MAST2: variants seen among roughly 807,000 people sequenced by gnomAD.
MAST2 encodes the protein microtubule associated serine/threonine kinase 2.
MAST2 carries 70 observed loss-of-function variants against 147.4 expected under a neutral mutation model. That is an observed-to-expected ratio of 0.47 (90% confidence interval 0.39 to 0.58). The LOEUF (loss-of-function observed/expected upper bound fraction) is 0.58, where lower values mean the gene tolerates loss of function less well. Ranked by LOEUF, MAST2 falls within the 20% of genes least tolerant of loss-of-function variation. MAST2 has a pLI of 0.00. For missense variants in MAST2, 2,080 were observed against 2,302.3 expected (o/e 0.90, Z 1.98); for synonymous variants, 869 against 896.8 (o/e 0.97, Z 0.55).
At chr1:45,879,363 A>T (rs996982654) in intron 3 of MAST2, among the ~76,000 whole-genome samples, 2 of 152,156 alleles carry the variant, frequency 1.3e-5, no homozygotes, top group African/African-American at 4.8e-5. Flanking sequence ...ACCTGAGGTC[A>T]GGAGTTCTAG....
intron 3 of MAST2, among the ~76,000 whole-genome samples, chr1:45,868,149 A>T (rs1646236315): frequency 6.6e-6 from 1 of 152,138 alleles, no homozygotes; most frequent in African/African-American, 2.4e-5. Flanking sequence ...AAGCTGTTCA[A>T]GTTGGGTCTT....
At chr1:46,030,534 C>T (rs1571284766) in intron 21 of MAST2, 73 bp from the exon 22 acceptor site, 3 of 1,510,010 alleles carry the variant, frequency 2.0e-6, no homozygotes, top group Non-Finnish European at 2.6e-6. Flanking sequence ...GTTTCCGATG[C>T]CAAGGATGCT....
Position 45,890,911 on chromosome 1 carries a change from C to T in MAST2, c.500+8516C>T, listed in dbSNP as rs980798523. Among the ~76,000 whole-genome samples the T allele has an allele frequency of 6.6e-5, 10 of 152,220 alleles. No individual in the cohort carries two copies. In the East Asian group the frequency reaches 1.7e-3, roughly 26 times the overall value. ...TAAAATAAATGCTTTGTCCTCCTACCTCTAGAAATATAGTTGCATAATAAC... is the reference window on the plus strand; with the variant it reads ...TAAAATAAATGCTTTGTCCTCCTACTTCTAGAAATATAGTTGCATAATAAC... On this transcript the variant is annotated intron_variant, in intron 4 of 28. Coordinates refer to ENST00000361297, the MANE Select transcript of MAST2 (RefSeq NM_015112.3).
chr1:45,921,197 C>T (rs1028220654), intron 4 of MAST2, among the ~76,000 whole-genome samples: 3 of 152,040 alleles, frequency 2.0e-5, no homozygotes, highest in East Asian at 1.9e-4. Context: ...GGTTTCACCA[C>T]GTTGGTCAGG....
At chr1:45,814,905 CT>C (rs1644407166) in intron 1 of MAST2, among the ~76,000 whole-genome samples, 1 of 152,148 alleles carries the variant, frequency 6.6e-6, no homozygotes, top group Non-Finnish European at 1.5e-5. Flanking sequence ...TTCAGGGAAA[CT>C]TTTATGGATT....
intron 4 of MAST2, among the ~76,000 whole-genome samples, chr1:45,942,048 T>TCACAATA (rs1657376225): frequency 6.6e-6 from 1 of 152,126 alleles, no homozygotes; most frequent in Non-Finnish European, 1.5e-5. Flanking sequence ...GTGAAAATAG[T>TCACAATA]TTTGACTTTG....
Position 45,959,437 on chromosome 1 carries a change from T to C in MAST2, c.552T>C (p.Pro184=), listed in dbSNP as rs1304088437. The C allele has an allele frequency of 1.9e-6, 3 of 1,613,840 alleles. No individual in the cohort carries two copies. Among genetic ancestry groups the C allele is most frequent in the East Asian group, 2.2e-5 (1 of 44,876 alleles). The stretch of plus-strand genomic sequence containing the variant: ...TGATTGTGACCTCTAGCACATCACC[T>C]ACACTACCACGGCCACACTCACCAC... The part of the protein sequence containing the change: ...KSLIVTSSTS[P]TLPRPHSPLH... The change falls in exon 5 of 29, where the codon CCT becomes CCC. Residue 184 remains proline, a synonymous_variant. Transcript: ENST00000361297.
intron 1 of MAST2, among the ~76,000 whole-genome samples, chr1:45,809,341 A>G (rs772906809): frequency 1.3e-5 from 2 of 152,202 alleles, no homozygotes; most frequent in African/African-American, 2.4e-5. Flanking sequence ...CCTAACTCAA[A>G]TGCCACAGAA....
chr1:45,829,540 C>G lies in MAST2; in HGVS notation c.427C>G (p.Gln143Glu), dbSNP rs1357601085. 1 of 1,614,186 alleles carries G rather than the reference C, an allele frequency of 6.2e-7. No homozygotes were observed. The highest frequency in any genetic ancestry group is 1.3e-5 in the African/African-American group (1 of 75,058). Residue 143 changes from glutamine to glutamate, a missense_variant, in exon 3 of 29, where the codon CAG becomes GAG. Coordinates refer to ENST00000361297, the MANE Select transcript of MAST2 (RefSeq NM_015112.3). ...ATCAAACCTGGTTCGAATGAGAAAC[C>G]AGTCCCTTGGACAGTCTGCACCTTC... ...EASNLVRMRN[Q>E]SLGQSAPSLT...
chr1:45,816,221 A>AGAGAGAGAGAGAGAGAAAG (rs1553202491), intron 1 of MAST2, among the ~76,000 whole-genome samples: 1 of 134,738 alleles, frequency 7.4e-6, no homozygotes, highest in Non-Finnish European at 1.6e-5. Flanking sequence ...GAGAGAGAGA[A>AGAGAGAGAGAGAGAGAAAG]AGAGAGAGAG....
intron 5 of MAST2, among the ~76,000 whole-genome samples, chr1:45,972,574 C>T (rs568289675): frequency 6.6e-6 from 1 of 152,338 alleles, no homozygotes; most frequent in South Asian, 2.1e-4. Context: ...CTCCCTGACA[C>T]GTATAGACTC....
chr1:45,815,863 C>T (rs970873392), intron 1 of MAST2, among the ~76,000 whole-genome samples: 5 of 152,176 alleles, frequency 3.3e-5, no homozygotes, highest in African/African-American at 1.2e-4. Flanking sequence ...CCATGCCTAA[C>T]TACTGGAGGG....
At chr1:45,941,735 T>A (rs1570842316) in intron 4 of MAST2, among the ~76,000 whole-genome samples, 1 of 152,312 alleles carries the variant, frequency 6.6e-6, no homozygotes, top group Middle Eastern at 3.4e-3. Flanking sequence ...AGTACAATGT[T>A]GAATAGAAGT....
At chr1:45,888,354 T>C (rs928860389) in intron 4 of MAST2, among the ~76,000 whole-genome samples, 2 of 152,138 alleles carry the variant, frequency 1.3e-5, no homozygotes, top group African/African-American at 4.8e-5. Context: ...GTGTTCTGTC[T>C]TTATTTTTAT....
intron 5 of MAST2, among the ~76,000 whole-genome samples, chr1:45,991,742 T>A (rs949119245): frequency 2.0e-5 from 3 of 152,232 alleles, no homozygotes; most frequent in Non-Finnish European, 4.4e-5. Flanking sequence ...TGTAATTGCT[T>A]ATTAGTTACA....
chr1:45,944,867 T>C (rs1047024919), intron 4 of MAST2, among the ~76,000 whole-genome samples: 1 of 152,244 alleles, frequency 6.6e-6, no homozygotes, highest in African/African-American at 2.4e-5. Context: ...AAATATGTTG[T>C]GAGTTCTCTT....
chr1:45,980,031 A>T (rs189976351), intron 5 of MAST2, among the ~76,000 whole-genome samples: 4 of 152,332 alleles, frequency 2.6e-5, no homozygotes, highest in African/African-American at 9.6e-5. Flanking sequence ...CACGCCTGTA[A>T]TCCAGCACTT....
At chr1:45,862,219 G>A (rs1646003418) in intron 3 of MAST2, among the ~76,000 whole-genome samples, 1 of 152,136 alleles carries the variant, frequency 6.6e-6, no homozygotes, top group Non-Finnish European at 1.5e-5. Context: ...ACTGAAAAAA[G>A]TTGTGAATCA....
intron 4 of MAST2, among the ~76,000 whole-genome samples, chr1:45,907,685 C>T (rs760428018): frequency 1.2e-4 from 18 of 152,128 alleles, no homozygotes; most frequent in African/African-American, 1.7e-4. Context: ...TCCATGGTCC[C>T]AGGTAGAAAC....
Sources: gnomAD v4.1 joint callset for allele counts (sites outside exome capture counted in the v4.1 genomes callset) on GRCh38, gnomAD v4.1.1 for gene constraint, MANE v1.5 for transcripts, NCBI Gene and HGNC (gene_info 2026-07-23, HGNC 2026-07-21) for gene names.